G3BP2: variants seen among roughly 807,000 people sequenced by gnomAD.
G3BP2 encodes ras GTPase-activating protein-binding protein 2.
A neutral mutation model predicts 56.7 loss-of-function variants in G3BP2; 11 were observed. That is an observed-to-expected ratio of 0.19 (90% CI 0.12 to 0.32). G3BP2 has a LOEUF of 0.32. G3BP2 is among the 10% of genes least tolerant of loss of function. The pLI is 1.00. For missense variants in G3BP2, 340 were observed against 610.9 expected (o/e 0.56, Z 4.67); for synonymous variants, 165 against 191.6 (o/e 0.86, Z 1.15).
intron 3 of G3BP2, among the ~76,000 whole-genome samples, chr4:75,701,653 C>G (rs1719349629): frequency 6.6e-6 from 1 of 152,140 alleles, no homozygotes; most frequent in Admixed American, 6.5e-5. Context: ...GTTTCAAACT[C>G]CTGACCTCAG....
intron 1 of G3BP2, among the ~76,000 whole-genome samples, chr4:75,722,958 G>A (rs1287779773): frequency 1.3e-5 from 2 of 152,138 alleles, no homozygotes; most frequent in Admixed American, 6.5e-5. Context: ...GATATAAAAT[G>A]AATAACATAG....
At chr4:75,686,976 G>A (rs112501380) in intron 3 of G3BP2, among the ~76,000 whole-genome samples, 2,265 of 152,184 alleles carry the variant, frequency 0.015, 58 homozygotes, top group African/African-American at 0.052. Flanking sequence ...GCCTGCAATC[G>A]CAGCACTTGA....
chr4:75,685,188 T>TA (rs111636779), intron 3 of G3BP2, among the ~76,000 whole-genome samples: 4,229 of 144,968 alleles, frequency 0.029, 84 homozygotes, highest in Non-Finnish European at 0.044. Context: ...AAAAGTTTAT[T>TA]AAAAAAAAAA....
upstream of G3BP2, among the ~76,000 whole-genome samples, chr4:75,675,644 T>A (rs1733847744): frequency 6.6e-6 from 1 of 152,028 alleles, no homozygotes. Flanking sequence ...AATACAAAAT[T>A]AGCCGGGCGT....
At chr4:75,692,722 G>A (rs575917060) in intron 3 of G3BP2, among the ~76,000 whole-genome samples, 6 of 152,216 alleles carry the variant, frequency 3.9e-5, no homozygotes, top group South Asian at 2.1e-4. Context: ...GTAGGAATTC[G>A]TATTTAGATC....
intron 3 of G3BP2, among the ~76,000 whole-genome samples, chr4:75,718,437 A>T (rs1720014382): frequency 6.6e-6 from 1 of 152,204 alleles, no homozygotes; most frequent in African/African-American, 2.4e-5. Context: ...AACTTATGCT[A>T]GCATACACTA....
intron 3 of G3BP2, among the ~76,000 whole-genome samples, chr4:75,688,111 G>A (rs1444652486): frequency 3.3e-5 from 5 of 152,050 alleles, no homozygotes; most frequent in East Asian, 1.9e-4. Context: ...AAAACTCTAC[G>A]TCTCATTTTG....
chr4:75,681,184 C>T (rs1173564613), intron 3 of G3BP2, among the ~76,000 whole-genome samples: 1 of 142,986 alleles, frequency 7.0e-6, no homozygotes, highest in Non-Finnish European at 1.5e-5. Flanking sequence ...ATTTGCCGGG[C>T]GTGGTGGCAT....
At chr4:75,675,725 G>C (rs563089568), upstream of G3BP2, among the ~76,000 whole-genome samples, 3 of 152,324 alleles carry the variant, frequency 2.0e-5, no homozygotes, top group East Asian at 5.8e-4. Flanking sequence ...CTGGGAGGCG[G>C]AGGTTGCGGT....
chr4:75,677,592 AAAAG>A (rs535580901), upstream of G3BP2, among the ~76,000 whole-genome samples: 9 of 152,244 alleles, frequency 5.9e-5, no homozygotes, highest in East Asian at 3.9e-4. Context: ...AATAAAAAAA[AAAAG>A]AGATGACTAC....
chr4:75,673,143 G>A (rs1409027085), intron 1 of G3BP2, 65 bp downstream of exon 1: 10 of 1,126,932 alleles, frequency 8.9e-6, no homozygotes, highest in Non-Finnish European at 1.1e-5. Context: ...TCGCGCCGCG[G>A]AGCGCGAATG....
intron 3 of G3BP2, among the ~76,000 whole-genome samples, chr4:75,720,373 G>A (rs1720114839): frequency 6.6e-6 from 1 of 151,726 alleles, no homozygotes; most frequent in Admixed American, 6.6e-5. Flanking sequence ...GCGGTGGCGG[G>A]CGCCTGTAGT....
intron 1 of G3BP2, among the ~76,000 whole-genome samples, chr4:75,664,298 C>G (rs1732814815): frequency 6.6e-6 from 1 of 151,856 alleles, no homozygotes; most frequent in South Asian, 2.1e-4. Context: ...CCTGCTTAGC[C>G]AGGTGCGGTG....
At chr4:75,703,107 T>C (rs4859403) in intron 3 of G3BP2, among the ~76,000 whole-genome samples, 133,349 of 152,254 alleles carry the variant, frequency 0.88, 58,417 homozygotes, top group East Asian at 0.91. Context: ...AGAAGGCTCC[T>C]CCAGGCAGCC....
chr4:75,701,171 A>T (rs1402749420), intron 3 of G3BP2, among the ~76,000 whole-genome samples: 1 of 152,098 alleles, frequency 6.6e-6, no homozygotes, highest in African/African-American at 2.4e-5. Flanking sequence ...CATTTGGTTT[A>T]AATAAAATAT....
chr4:75,701,971 G>T (rs1036235098), intron 3 of G3BP2, among the ~76,000 whole-genome samples: 1 of 152,060 alleles, frequency 6.6e-6, no homozygotes, highest in Non-Finnish European at 1.5e-5. Context: ...TAATTCAATT[G>T]TTATCAGTTC....
At chr4:75,688,225 T>C (rs1272544126) in intron 3 of G3BP2, among the ~76,000 whole-genome samples, 1 of 152,132 alleles carries the variant, frequency 6.6e-6, no homozygotes, top group African/African-American at 2.4e-5. Flanking sequence ...TCTTTCTTAG[T>C]AGAGATGGGG....
chr4:75,694,741 AAAACAAACAAAC>A (rs113019972), intron 3 of G3BP2: 57 of 983,226 alleles, frequency 5.8e-5, no homozygotes, highest in South Asian at 9.3e-5. Context: ...TCTGTCTCGA[AAAACAAACAAAC>A]AAACAAACAA....
At chr4:75,655,955 G>T in intron 5 of G3BP2, 85 bp from the exon 6 acceptor site, 5 of 727,942 alleles carry the variant, frequency 6.9e-6, no homozygotes, top group Admixed American at 2.4e-5. Flanking sequence ...TAAGGAAGTG[G>T]TATGATAGCA....
Sources: allele counts gnomAD v4.1 joint callset (sites outside exome capture counted in the v4.1 genomes callset), GRCh38; gene constraint gnomAD v4.1.1; transcripts MANE v1.5; gene names NCBI Gene and HGNC (gene_info 2026-07-23, HGNC 2026-07-21).